The following KIAA2012 variants were observed in gnomAD, a reference collection of about 807,000 sequenced individuals.
The protein encoded by KIAA2012 is uncharacterized protein KIAA2012.
KIAA2012 carries 125 observed loss-of-function variants against 150.6 expected under a neutral mutation model. That is an observed-to-expected ratio of 0.83 (90% CI 0.72 to 0.96). The LOEUF is 0.96. KIAA2012 is among the 40% of genes least tolerant of loss of function. The pLI, the probability that KIAA2012 is intolerant of heterozygous loss-of-function variation, is 0.00. For missense variants in KIAA2012, 1,219 were observed against 1,354.9 expected (o/e 0.90, Z 1.57); for synonymous variants, 462 against 504.7 (o/e 0.92, Z 1.13).
At chr2:202,184,456 T>C (rs1692184523) in intron 15 of KIAA2012, among the ~76,000 whole-genome samples, 1 of 152,258 alleles carries the variant, frequency 6.6e-6, no homozygotes, top group East Asian at 1.9e-4. Flanking sequence ...TTGAATTCTT[T>C]CCTTATGATA....
intron 10 of KIAA2012, among the ~76,000 whole-genome samples, chr2:202,110,965 CGTT>C (rs1224292763): frequency 6.6e-6 from 1 of 152,176 alleles, no homozygotes; most frequent in East Asian, 1.9e-4. Context: ...TCCCTAGAGA[CGTT>C]GTTTTCACCT....
chr2:202,075,992 G>A (rs1053785117), intron 2 of KIAA2012, among the ~76,000 whole-genome samples: 8 of 152,090 alleles, frequency 5.3e-5, no homozygotes, highest in Admixed American at 1.3e-4. Context: ...ACGCCATAAG[G>A]CCCCACCCAT....
intron 14 of KIAA2012, among the ~76,000 whole-genome samples, chr2:202,163,217 C>A (rs1691693544): frequency 6.6e-6 from 1 of 150,586 alleles, no homozygotes; most frequent in Non-Finnish European, 1.5e-5. Flanking sequence ...AGTTCTCCTG[C>A]CTCAGCCTCC....
At chr2:202,073,841 C>A (rs1689261256) in intron 1 of KIAA2012, 130 bp downstream of exon 1, 1 of 694,682 alleles carries the variant, frequency 1.4e-6, no homozygotes, top group East Asian at 2.8e-5. Flanking sequence ...ACTGGAAGAT[C>A]TTCCTTCCTC....
intron 22 of KIAA2012, chr2:202,201,740 G>T: frequency 7.0e-7 from 1 of 1,438,320 alleles, no homozygotes; most frequent in Non-Finnish European, 9.8e-7. Context: ...GGTGCACAAA[G>T]CTTGGATGAT....
intron 14 of KIAA2012, among the ~76,000 whole-genome samples, chr2:202,162,511 G>A (rs1043607587): frequency 1.3e-5 from 2 of 151,424 alleles, no homozygotes; most frequent in African/African-American, 4.9e-5. Context: ...CTGACCTCAG[G>A]TGATCCACCC....
chr2:202,124,025 C>G (rs1328373065), intron 11 of KIAA2012, among the ~76,000 whole-genome samples: 1 of 152,038 alleles, frequency 6.6e-6, no homozygotes, highest in Non-Finnish European at 1.5e-5. Context: ...CCTGTTTCTA[C>G]TAAAAATACA....
intron 14 of KIAA2012, among the ~76,000 whole-genome samples, chr2:202,163,290 T>TA (rs1237627550): frequency 2.0e-5 from 3 of 151,646 alleles, no homozygotes. Context: ...TTTTAGTAGA[T>TA]ACAGGTTTTG....
intron 14 of KIAA2012, 142 bp from the exon 15 acceptor site, chr2:202,165,142 A>C (rs1333673736): frequency 1.4e-5 from 10 of 710,916 alleles, no homozygotes; most frequent in Non-Finnish European, 2.1e-5. Context: ...TGGAGACTTA[A>C]GTAAAAAGTT....
intron 23 of KIAA2012, among the ~76,000 whole-genome samples, 178 bp from the exon 24 acceptor site, chr2:202,204,820 C>T (rs79828191): frequency 0.043 from 6,520 of 152,246 alleles, 412 homozygotes; most frequent in African/African-American, 0.14. Context: ...AACGTTTTCT[C>T]AAGCTTGTGG....
chr2:202,140,176 C>T (rs532073993), intron 13 of KIAA2012, among the ~76,000 whole-genome samples: 2 of 152,218 alleles, frequency 1.3e-5, no homozygotes, highest in South Asian at 2.1e-4. Flanking sequence ...TGCAATGAGC[C>T]AAGATCACTC....
chr2:202,106,703 A>T (rs199887716), intron 9 of KIAA2012, among the ~76,000 whole-genome samples: 96 of 151,628 alleles, frequency 6.3e-4, no homozygotes, highest in South Asian at 2.1e-3. Context: ...AAAAAAAAAA[A>T]TTTTTTTTAA....
rs1269732527 is a variant in KIAA2012, at chr2:202,099,603, CG to C, written c.829-9del. 1 of 1,543,484 alleles carries C rather than the reference CG, an allele frequency of 6.5e-7. No individual in the cohort carries two copies. Among genetic ancestry groups the C allele is most frequent in the Non-Finnish European group, 8.7e-7 (1 of 1,143,156 alleles). ...CCTGTTTACAGGAATGTGTATCTGT[CG>C]TTCCCTAGGACACGTCAATAGAGAA... On this transcript the variant is annotated splice_polypyrimidine_tract_variant and intron_variant, in intron 5 of 23. Coordinates refer to ENST00000498697, the MANE Select transcript of KIAA2012 (RefSeq NM_001277372.4).
chr2:202,106,074 C>A, intron 9 of KIAA2012, 164 bp downstream of exon 9: 1 of 1,513,868 alleles, frequency 6.6e-7, no homozygotes, highest in South Asian at 1.3e-5. Flanking sequence ...CTGCCTTCAC[C>A]AAAGTGCTGC....
intron 15 of KIAA2012, among the ~76,000 whole-genome samples, chr2:202,172,065 C>A (rs900432330): frequency 3.3e-5 from 5 of 152,310 alleles, no homozygotes; most frequent in Middle Eastern, 3.4e-3. Context: ...TGCGGGCTTA[C>A]GCCCGCGTCG....
chr2:202,184,194 G>A (rs1257851522), intron 15 of KIAA2012, among the ~76,000 whole-genome samples: 2 of 151,916 alleles, frequency 1.3e-5, no homozygotes, highest in Non-Finnish European at 2.9e-5. Context: ...GACCAGCCTG[G>A]CCAATATGGT....
intron 20 of KIAA2012, 68 bp from the exon 21 acceptor site, chr2:202,194,122 G>A (rs1268912916): frequency 2.6e-6 from 4 of 1,520,522 alleles, no homozygotes; most frequent in African/African-American, 1.4e-5. Flanking sequence ...GGCACTGTCT[G>A]TTGGCTCATC....
chr2:202,147,648 T>C (rs1691328655), intron 13 of KIAA2012, among the ~76,000 whole-genome samples: 1 of 151,510 alleles, frequency 6.6e-6, no homozygotes, highest in Non-Finnish European at 1.5e-5. Flanking sequence ...CAAAACACCA[T>C]TTTTTTTTCC....
At chr2:202,176,974 G>T (rs1272055706) in intron 15 of KIAA2012, among the ~76,000 whole-genome samples, 1 of 152,144 alleles carries the variant, frequency 6.6e-6, no homozygotes, top group Non-Finnish European at 1.5e-5. Context: ...TGTATGAACA[G>T]TGACTCACCT....
Sources: allele counts gnomAD v4.1 joint callset (sites outside exome capture counted in the v4.1 genomes callset), GRCh38; gene constraint gnomAD v4.1.1; transcripts MANE v1.5; gene names NCBI Gene and HGNC (gene_info 2026-07-23, HGNC 2026-07-21).